Variants in TMEM150C observed in about 807,000 individuals in gnomAD.
The protein encoded by TMEM150C is tentonin 3.
TMEM150C carries 10 observed loss-of-function variants against 29.9 expected under a neutral mutation model. That is an observed-to-expected ratio of 0.33 (90% CI 0.21 to 0.57). The LOEUF (loss-of-function observed/expected upper bound fraction) is 0.57. TMEM150C is among the 20% of genes least tolerant of loss of function. TMEM150C has a pLI of 0.88. For synonymous variants in TMEM150C, 101 were observed against 112.5 expected, an observed-to-expected ratio of 0.90 and a Z score of 0.64; for missense variants, 251 against 303.6, an observed-to-expected ratio of 0.83 and a Z score of 1.29.
chr4:82,500,289 T>TAAGTAATAAC (rs1723696396), intron 5 of TMEM150C, among the ~76,000 whole-genome samples: 1 of 152,266 alleles, frequency 6.6e-6, no homozygotes, highest in South Asian at 2.1e-4. Flanking sequence ...CGGTGTGGGT[T>TAAGTAATAAC]ATTTCTTAAA....
upstream of TMEM150C, chr4:82,562,245 A>G: frequency 1.6e-6 from 2 of 1,282,674 alleles, no homozygotes; most frequent in Non-Finnish European, 1.0e-6. Flanking sequence ...CTCCTCATCC[A>G]ACAAAAGGAA....
chr4:82,496,891 A>G (rs575912869), intron 5 of TMEM150C, among the ~76,000 whole-genome samples: 56 of 152,382 alleles, frequency 3.7e-4, no homozygotes, highest in African/African-American at 1.2e-3. Context: ...TAGAGAAGTG[A>G]CAATATTCAT....
intron 1 of TMEM150C, among the ~76,000 whole-genome samples, chr4:82,520,590 C>CT (rs999880429): frequency 1.3e-5 from 2 of 152,208 alleles, no homozygotes; most frequent in African/African-American, 4.8e-5. Flanking sequence ...TCATGTCATC[C>CT]TTTAGCTCAA....
At chr4:82,553,127 C>T (rs1191854922) in intron 1 of TMEM150C, among the ~76,000 whole-genome samples, 1 of 152,214 alleles carries the variant, frequency 6.6e-6, no homozygotes, top group Non-Finnish European at 1.5e-5. Context: ...CTCAACTCTT[C>T]AGTGTTCATG....
chr4:82,502,917 C>T lies in TMEM150C; in HGVS notation c.145G>A (p.Val49Met). Reference protein sequence around the residue: ...PLNSAERKPGVKHAPYISIAG... With the variant: ...PLNSAERKPGMKHAPYISIAG... Reference sequence around the variant, plus strand: ...TACCTTATATATGGTGCATGCTTCACACCAGGTTTCCTGGATAATAAAAAA... The same window carrying T: ...TACCTTATATATGGTGCATGCTTCATACCAGGTTTCCTGGATAATAAAAAA... Residue 49 changes from valine (V) to methionine (M), a missense_variant, in exon 4 of 8, where the codon GTG (valine) becomes ATG (methionine). By Grantham distance (21) the Val-to-Met change is conservative (BLOSUM62 1). Coordinates refer to ENST00000449862, the MANE Select transcript of TMEM150C (RefSeq NM_001080506.3). 6.3e-7 allele frequency: 1 copy of T among 1,594,758 alleles called. No individual in the cohort carries two copies. The highest frequency in any genetic ancestry group is 8.5e-7 in the Non-Finnish European group (1 of 1,170,072).
intron 5 of TMEM150C, among the ~76,000 whole-genome samples, chr4:82,500,911 T>C (rs998620860): frequency 6.6e-6 from 1 of 152,224 alleles, no homozygotes; most frequent in East Asian, 1.9e-4. Flanking sequence ...AATGAGGTAG[T>C]ATTTGCAAAG....
At chr4:82,485,770 G>C in intron 7 of TMEM150C, 51 bp from the exon 8 acceptor site, 2 of 1,508,206 alleles carry the variant, frequency 1.3e-6, no homozygotes, top group Middle Eastern at 2.3e-4. Context: ...ATTAAAACTG[G>C]AATCTTTTCA....
At chr4:82,506,228 A>C (rs1461055626) in intron 1 of TMEM150C, among the ~76,000 whole-genome samples, 1 of 152,210 alleles carries the variant, frequency 6.6e-6, no homozygotes, top group Non-Finnish European at 1.5e-5. Flanking sequence ...AAGAGAGGAA[A>C]CATGATGCTC....
chr4:82,496,949 G>A (rs374408948), intron 5 of TMEM150C, among the ~76,000 whole-genome samples: 2 of 152,204 alleles, frequency 1.3e-5, no homozygotes, highest in African/African-American at 4.8e-5. Context: ...GATTTGGTAT[G>A]TACTAAAAAT....
intron 1 of TMEM150C, among the ~76,000 whole-genome samples, chr4:82,531,567 C>T (rs533762914): frequency 1.3e-5 from 2 of 152,024 alleles, no homozygotes; most frequent in African/African-American, 4.8e-5. Flanking sequence ...CCAGCCTGGC[C>T]AACATGGCGA....
intron 1 of TMEM150C, among the ~76,000 whole-genome samples, chr4:82,537,833 G>A (rs1374077670): frequency 6.6e-6 from 1 of 152,188 alleles, no homozygotes; most frequent in Non-Finnish European, 1.5e-5. Flanking sequence ...GCTGGAAGAG[G>A]TGAGGAAGGA....
At chr4:82,522,269 C>T (rs1168194713) in intron 1 of TMEM150C, among the ~76,000 whole-genome samples, 2 of 152,088 alleles carry the variant, frequency 1.3e-5, no homozygotes, top group East Asian at 3.9e-4. Context: ...AATCCACAAG[C>T]GACCAAAGTG....
intron 1 of TMEM150C, among the ~76,000 whole-genome samples, chr4:82,544,137 A>G (rs745650158): frequency 3.9e-5 from 6 of 152,170 alleles, no homozygotes; most frequent in Non-Finnish European, 7.3e-5. Context: ...TTCACCTACT[A>G]AGGTGCTTAA....
At chr4:82,502,220 A>C (rs1723760169) in intron 5 of TMEM150C, among the ~76,000 whole-genome samples, 1 of 152,188 alleles carries the variant, frequency 6.6e-6, no homozygotes, top group African/African-American at 2.4e-5. Flanking sequence ...CTTCTTTTTA[A>C]GCTTACTTCT....
At chr4:82,541,887 A>G (rs1404288691) in intron 1 of TMEM150C, among the ~76,000 whole-genome samples, 3 of 152,224 alleles carry the variant, frequency 2.0e-5, no homozygotes, top group Non-Finnish European at 4.4e-5. Flanking sequence ...CATAATAGTA[A>G]CAGCCCTGCC....
chr4:82,492,653 C>G (rs1266756175), intron 6 of TMEM150C, among the ~76,000 whole-genome samples: 1 of 151,172 alleles, frequency 6.6e-6, no homozygotes, highest in East Asian at 1.9e-4. Context: ...AAATATATAT[C>G]CATCACTTAA....
intron 1 of TMEM150C, among the ~76,000 whole-genome samples, chr4:82,541,440 G>T (rs1409239159): frequency 6.6e-6 from 1 of 152,052 alleles, no homozygotes; most frequent in African/African-American, 2.4e-5. Context: ...GAAAAAGAAG[G>T]AACAGAGAGG....
intron 1 of TMEM150C, among the ~76,000 whole-genome samples, chr4:82,533,117 A>G (rs1724900748): frequency 6.6e-6 from 1 of 152,210 alleles, no homozygotes. Flanking sequence ...TTCAATATTT[A>G]TGAATCAATG....
At chr4:82,486,926 C>T (rs933582155) in intron 7 of TMEM150C, among the ~76,000 whole-genome samples, 5 of 152,088 alleles carry the variant, frequency 3.3e-5, no homozygotes, top group African/African-American at 9.7e-5. Context: ...GTCTGAGGAA[C>T]TAGATGCATT....
Sources: allele counts gnomAD v4.1 joint callset (sites outside exome capture counted in the v4.1 genomes callset), GRCh38; gene constraint gnomAD v4.1.1; transcripts MANE v1.5; gene names NCBI Gene and HGNC (gene_info 2026-07-23, HGNC 2026-07-21).